XKR9: variants seen among roughly 807,000 people sequenced by gnomAD.
XKR9 encodes XK related 9.
XKR9 carries 32 observed loss-of-function variants against 32.0 expected under a neutral mutation model. The ratio of observed to expected loss-of-function variants is 1.00; its 90% CI spans 0.76 to 1.34. XKR9 has a LOEUF of 1.34. Among genes scored for constraint, XKR9 ranks in the 40% most tolerant of loss-of-function variants. The pLI, the probability that XKR9 is intolerant of heterozygous loss-of-function variation, is 0.00. For missense variants in XKR9, 546 were observed against 429.7 expected, an observed-to-expected ratio of 1.27 and a Z score of -2.39; for synonymous variants, 168 against 143.4, an observed-to-expected ratio of 1.17 and a Z score of -1.22.
the XKR9 span, among the ~76,000 whole-genome samples, chr8:70,931,060 G>C: frequency 6.6e-6 from 1 of 151,796 alleles, no homozygotes; most frequent in Non-Finnish European, 1.5e-5. Flanking sequence ...TTTGAATTTG[G>C]ACTGAGAGAA....
chr8:70,882,320 A>G, the XKR9 span, among the ~76,000 whole-genome samples: 4 of 151,926 alleles, frequency 2.6e-5, no homozygotes, highest in Non-Finnish European at 5.9e-5. Context: ...TAAAAAAATT[A>G]AGGCATGTGG....
At chr8:70,902,135 G>C in the XKR9 span, among the ~76,000 whole-genome samples, 1 of 152,072 alleles carries the variant, frequency 6.6e-6, no homozygotes, top group Non-Finnish European at 1.5e-5. Context: ...TTGCTATGTG[G>C]GCTCTTTTTT....
intron 4 of XKR9, among the ~76,000 whole-genome samples, chr8:70,715,230 TTAAAC>T (rs775593922): frequency 6.6e-6 from 1 of 152,186 alleles, no homozygotes. Context: ...TCCCCTATGC[TTAAAC>T]TAAATGTAGT....
chr8:70,830,199 C>G, the XKR9 span, among the ~76,000 whole-genome samples: 3 of 152,140 alleles, frequency 2.0e-5, no homozygotes. Flanking sequence ...ATAAAACTAA[C>G]TGCTGGTTCT....
At chr8:71,021,589 G>A in the XKR9 span, among the ~76,000 whole-genome samples, 1 of 138,630 alleles carries the variant, frequency 7.2e-6, no homozygotes, top group African/African-American at 2.7e-5. Flanking sequence ...TGCAAGCTCC[G>A]CCTCCCGGGT....
chr8:70,744,668 C>T (rs1447225458), intron 2 of XKR9, among the ~76,000 whole-genome samples: 7 of 152,150 alleles, frequency 4.6e-5, no homozygotes, highest in Admixed American at 2.6e-4. Context: ...TGCAGTGGTG[C>T]GATCGTGGCT....
At chr8:71,063,554 CAA>C in the XKR9 span, among the ~76,000 whole-genome samples, 2 of 131,354 alleles carry the variant, frequency 1.5e-5, no homozygotes, top group Non-Finnish European at 1.7e-5. Flanking sequence ...GAGCAAGTGA[CAA>C]AAAAAAAAAG....
intron 4 of XKR9, among the ~76,000 whole-genome samples, chr8:70,715,320 G>A (rs1409716536): frequency 6.6e-6 from 1 of 152,140 alleles, no homozygotes; most frequent in Non-Finnish European, 1.5e-5. Flanking sequence ...ATATGTGAGA[G>A]AAAGTAAGCA....
At chr8:70,801,517 G>T in the XKR9 span, among the ~76,000 whole-genome samples, 4 of 152,174 alleles carry the variant, frequency 2.6e-5, no homozygotes, top group Non-Finnish European at 5.9e-5. Flanking sequence ...ATTGTGCTGT[G>T]ATCTGAGAGT....
the XKR9 span, among the ~76,000 whole-genome samples, chr8:70,861,263 G>C: frequency 6.6e-6 from 1 of 152,080 alleles, no homozygotes; most frequent in East Asian, 1.9e-4. Flanking sequence ...TCCTCCACTC[G>C]GTAGTTGTGT....
chr8:70,901,425 T>A, the XKR9 span, among the ~76,000 whole-genome samples: 1 of 152,344 alleles, frequency 6.6e-6, no homozygotes, highest in African/African-American at 2.4e-5. Flanking sequence ...ATGAGCATTT[T>A]TTCATGTGTC....
chr8:70,974,211 T>C, the XKR9 span, among the ~76,000 whole-genome samples: 1 of 152,074 alleles, frequency 6.6e-6, no homozygotes, highest in Non-Finnish European at 1.5e-5. Context: ...TATCATTATA[T>C]AGTGTCCCTC....
At chr8:70,869,405 G>T in the XKR9 span, among the ~76,000 whole-genome samples, 2 of 152,170 alleles carry the variant, frequency 1.3e-5, no homozygotes, top group African/African-American at 4.8e-5. Flanking sequence ...ATGGATAGCC[G>T]CAGGTAGAGA....
At chr8:70,828,472 C>T in the XKR9 span, among the ~76,000 whole-genome samples, 3 of 151,598 alleles carry the variant, frequency 2.0e-5, no homozygotes, top group South Asian at 2.1e-4. Flanking sequence ...CAGTGGCTCA[C>T]GCCAGCACTT....
At chr8:71,057,911 G>A in the XKR9 span, among the ~76,000 whole-genome samples, 30 of 152,266 alleles carry the variant, frequency 2.0e-4, no homozygotes, top group East Asian at 3.9e-4. Flanking sequence ...GGGGCCATGC[G>A]CGGTGGCTTA....
At chr8:70,793,620 A>G (rs1807792906), downstream of XKR9, among the ~76,000 whole-genome samples, 1 of 152,200 alleles carries the variant, frequency 6.6e-6, no homozygotes, top group South Asian at 2.1e-4. Context: ...TAAGCAACAG[A>G]AGATGGACTA....
the XKR9 span, among the ~76,000 whole-genome samples, chr8:70,935,267 A>G: frequency 0.32 from 47,794 of 150,602 alleles, 8,920 homozygotes; most frequent in Non-Finnish European, 0.43. Context: ...TATTACATAT[A>G]TTTATCTAGA....
downstream of XKR9, among the ~76,000 whole-genome samples, chr8:70,792,460 A>G (rs1807776340): frequency 6.6e-6 from 1 of 152,096 alleles, no homozygotes; most frequent in African/African-American, 2.4e-5. Flanking sequence ...AGTCACAAGA[A>G]TTTGCTTCAG....
chr8:70,717,830 T>A (rs1024051257), intron 4 of XKR9, among the ~76,000 whole-genome samples: 2 of 152,106 alleles, frequency 1.3e-5, no homozygotes, highest in Non-Finnish European at 2.9e-5. Context: ...AGGCTGCAAA[T>A]TTTCCAAACT....
Sources: allele counts gnomAD v4.1 joint callset (sites outside exome capture counted in the v4.1 genomes callset), GRCh38; gene constraint gnomAD v4.1.1; transcripts MANE v1.5; gene names NCBI Gene and HGNC (gene_info 2026-07-23, HGNC 2026-07-21).